DLGAP4: variants seen among roughly 807,000 people sequenced by gnomAD.
The protein encoded by DLGAP4 is DLG associated protein 4, also known as disks large-associated protein 4.
Under a neutral mutation model 86.9 loss-of-function variants are expected in DLGAP4, and 18 were observed. The observed-to-expected ratio is 0.21, with a 90% CI of 0.14 to 0.31. The LOEUF is 0.31. Ranked by LOEUF, DLGAP4 falls within the 10% of genes least tolerant of loss-of-function variation. DLGAP4 has a pLI of 1.00. For missense variants in DLGAP4, 1,085 were observed against 1,362.6 expected, an observed-to-expected ratio of 0.80 and a Z score of 3.21; for synonymous variants, 548 against 574.3, an observed-to-expected ratio of 0.95 and a Z score of 0.65.
In DLGAP4 at chr20:36,308,947, C is replaced by T. The variant is rs2065029283; in HGVS notation, c.-304+2435C>T. 6.6e-6 allele frequency among the ~76,000 whole-genome samples: 1 copy of T among 151,748 alleles called. No individual in the cohort carries two copies. Among genetic ancestry groups the T allele is most frequent in the African/African-American group, 2.4e-5 (1 of 41,244 alleles). ...AAATGTCATGGCTCCCAGGATGAAA[C>T]CCAACCTCCCCCTCCCCCAACTAGC... On this transcript the variant is annotated intron_variant, in intron 1 of 12. Coordinates refer to ENST00000339266, the MANE Select transcript of DLGAP4 (RefSeq NM_001365621.2). This position sits in a 1 kb window ranked among gnomAD's most constrained non-coding sequence, Gnocchi z 4.5.
At chr20:36,492,810 G>C (rs2035724235) in intron 7 of DLGAP4, 1 of 152,286 alleles carries the variant, frequency 6.6e-6, no homozygotes, top group South Asian at 2.1e-4. Flanking sequence ...TCCGTTTTCT[G>C]ATCTAGGGCA....
At chr20:36,380,646 AGAGAGAGAGAGAGAGAG>A (rs2147443386) in intron 2 of DLGAP4, among the ~76,000 whole-genome samples, 1 of 107,848 alleles carries the variant, frequency 9.3e-6, no homozygotes, top group African/African-American at 4.5e-5. Context: ...AGAGAGAGAG[AGAGAGAGAGAGAGAGAG>A]AATCTCAGAG....
intron 1 of DLGAP4, among the ~76,000 whole-genome samples, chr20:36,312,661 T>A (rs2065063397): frequency 6.6e-6 from 1 of 152,192 alleles, no homozygotes; most frequent in Non-Finnish European, 1.5e-5. Context: ...TACCTAGCAC[T>A]GCACTGGGAC....
chr20:36,462,357 C>A (rs2147621095), intron 7 of DLGAP4: 1 of 1,379,056 alleles, frequency 7.3e-7, no homozygotes, highest in Non-Finnish European at 9.3e-7. Flanking sequence ...CCCTGCCCCT[C>A]TGTGCCCCCA....
rs561933296 is a variant in DLGAP4 at position 36,374,115 on chromosome 20, G to A, written c.-73+6840G>A. 1.4e-4 allele frequency among the ~76,000 whole-genome samples: 22 copies of A among 151,950 alleles called. 1 individual carries two copies. Among genetic ancestry groups the A allele is most frequent in the South Asian group, 4.2e-4 (2 of 4,812 alleles). ...TCAGAAGCTCACTGAGGCAGCCTTC[G>A]ACTTTCCTGGAGTCAGAACATTGGA... On this transcript the variant is annotated intron_variant, in intron 2 of 12. Coordinates refer to ENST00000339266, the MANE Select transcript of DLGAP4 (RefSeq NM_001365621.2).
chr20:36,373,929 C>T (rs1194776052), intron 2 of DLGAP4, among the ~76,000 whole-genome samples: 5 of 146,472 alleles, frequency 3.4e-5, no homozygotes, highest in Non-Finnish European at 7.4e-5. Context: ...CCCAGCCACT[C>T]GGGTGACTAA....
At chr20:36,340,433 C>T (rs2065367351) in intron 1 of DLGAP4, among the ~76,000 whole-genome samples, 1 of 152,136 alleles carries the variant, frequency 6.6e-6, no homozygotes, top group Non-Finnish European at 1.5e-5. Flanking sequence ...AGTGACTCAC[C>T]CTCTCCGTGG....
chr20:36,394,729 C>T (rs557233958), intron 2 of DLGAP4, among the ~76,000 whole-genome samples: 1 of 151,878 alleles, frequency 6.6e-6, no homozygotes, highest in Admixed American at 6.5e-5. Context: ...CAGATTCGAC[C>T]TGCCTTGCCT....
chr20:36,384,109 G>A (rs1156533963), intron 2 of DLGAP4, among the ~76,000 whole-genome samples: 1 of 152,220 alleles, frequency 6.6e-6, no homozygotes, highest in African/African-American at 2.4e-5. Context: ...TCAGCATGGG[G>A]GAAGGGGATT....
chr20:36,519,162 C>G (rs1341442739), intron 10 of DLGAP4, among the ~76,000 whole-genome samples: 1 of 151,864 alleles, frequency 6.6e-6, no homozygotes, highest in African/African-American at 2.4e-5. Context: ...TCCTGTAGTC[C>G]TAGCTACACA....
At chr20:36,464,486 CAGA>C (rs1315830448) in intron 7 of DLGAP4, among the ~76,000 whole-genome samples, 1 of 151,440 alleles carries the variant, frequency 6.6e-6, no homozygotes, top group African/African-American at 2.4e-5. Context: ...AGCTTGAATC[CAGA>C]AGGTCAGGAG....
chr20:36,458,613 C>A (rs2033943673), intron 7 of DLGAP4, among the ~76,000 whole-genome samples: 2 of 151,888 alleles, frequency 1.3e-5, no homozygotes, highest in Non-Finnish European at 2.9e-5. Flanking sequence ...GCATGAGAAT[C>A]GCTTGAGCCT....
intron 2 of DLGAP4, among the ~76,000 whole-genome samples, chr20:36,374,671 G>A (rs2031082594): frequency 6.6e-6 from 1 of 152,248 alleles, no homozygotes; most frequent in Non-Finnish European, 1.5e-5. Context: ...TGCCCCTCAA[G>A]GGAGCCTTAG....
At chr20:36,421,076 G>A (rs988153511) in intron 2 of DLGAP4, among the ~76,000 whole-genome samples, 13 of 152,174 alleles carry the variant, frequency 8.5e-5, no homozygotes, top group Admixed American at 7.9e-4. Context: ...AGGAGGTCAA[G>A]GCTGCAGTGA....
At chr20:36,472,110 TC>T (rs1292177687) in intron 7 of DLGAP4, among the ~76,000 whole-genome samples, 32 of 152,174 alleles carry the variant, frequency 2.1e-4, no homozygotes, top group African/African-American at 7.7e-4. Flanking sequence ...CCCCAGCAGA[TC>T]ATCTTTGCAG....
Position 36,431,645 on chromosome 20 carries a change from G to T in DLGAP4, c.-72-1G>T. 6.7e-7 allele frequency: 1 copy of T among 1,493,054 alleles called. No individual in the cohort carries two copies. The highest frequency in any genetic ancestry group is 1.4e-5 in the African/African-American group (1 of 70,996). The allele number at this position is 1,493,054 out of a possible 1,614,324, so 92.5% of individuals were successfully genotyped here. Reference sequence around the variant, plus strand: ...GACCGCTTTCTGTCTTCTCTCCCTAGGATAGCTGCCGCCCGGGAGAGGTGA... The same window carrying T: ...GACCGCTTTCTGTCTTCTCTCCCTATGATAGCTGCCGCCCGGGAGAGGTGA... On this transcript the variant is annotated splice_acceptor_variant, in intron 2 of 12. Coordinates refer to ENST00000339266, the MANE Select transcript of DLGAP4 (RefSeq NM_001365621.2). LOFTEE classifies it low-confidence loss of function (5UTR_SPLICE). This position sits in a 1 kb window ranked among gnomAD's most constrained non-coding sequence, Gnocchi z 5.1.
chr20:36,462,664 A>G lies in DLGAP4; in HGVS notation c.1648+15727A>G. 2.6e-6 allele frequency: 4 copies of G among 1,545,758 alleles called. No individual in the cohort carries two copies. The South Asian group carries it at 3.6e-5, about 14-fold the overall frequency. The stretch of plus-strand genomic sequence containing the variant: ...GCAGGCTGGCCGCGGCCGAGGCTCC[A>G]TGGGGTTGGCGCTGGGGCAAGGGCT... On this transcript the variant is annotated intron_variant, in intron 7 of 12. Coordinates refer to ENST00000339266, the MANE Select transcript of DLGAP4 (RefSeq NM_001365621.2).
At chr20:36,442,166 C>T (rs1350365784) in intron 5 of DLGAP4, among the ~76,000 whole-genome samples, 1 of 152,156 alleles carries the variant, frequency 6.6e-6, no homozygotes, top group Admixed American at 6.5e-5. Flanking sequence ...ATCCATGGTC[C>T]CAGGGCCCAG....
intron 2 of DLGAP4, among the ~76,000 whole-genome samples, chr20:36,375,528 C>A (rs934562178): frequency 6.6e-6 from 1 of 152,148 alleles, no homozygotes; most frequent in Non-Finnish European, 1.5e-5. Context: ...CAGAGCTGCC[C>A]CTGCCCAGGG....
Sources: allele counts gnomAD v4.1 joint callset (sites outside exome capture counted in the v4.1 genomes callset), GRCh38; gene constraint gnomAD v4.1.1; non-coding constraint Gnocchi (gnomAD v3.1); transcripts MANE v1.5; gene names NCBI Gene and HGNC (gene_info 2026-07-23, HGNC 2026-07-21).